Variants in TTC6 observed in about 807,000 individuals in gnomAD.
The protein encoded by TTC6 is tetratricopeptide repeat protein 6.
A neutral mutation model predicts 210.4 loss-of-function variants in TTC6; 172 were observed. That is an observed-to-expected ratio of 0.82 (90% CI 0.72 to 0.93). The LOEUF (loss-of-function observed/expected upper bound fraction) is 0.93, where lower values mean the gene tolerates loss of function less well. TTC6 is among the 40% of genes least tolerant of loss of function. The pLI, the probability that TTC6 is intolerant of heterozygous loss-of-function variation, is 0.00. For synonymous variants in TTC6, 804 were observed against 819.6 expected (o/e 0.98, Z 0.32); for missense variants, 2,414 against 2,318.1 (o/e 1.04, Z -0.85).
In TTC6 at chr14:37,733,985, T is replaced by C. The variant is rs570950887; in HGVS notation, c.1819-1936T>C. On this transcript the variant is annotated intron_variant, in intron 7 of 30. Transcript: ENST00000553443. ...TAGTATTTCTATTTTTCCCTAAATC[T>C]GTTATGTTATGGTGTTTTGTTTCTT... is the stretch of plus-strand genomic sequence containing the variant. 2.0e-5 allele frequency among the ~76,000 whole-genome samples: 3 copies of C among 152,286 alleles called. No homozygotes were observed. In the South Asian group the frequency reaches 6.2e-4, roughly 32 times the overall value.
chr14:37,826,499 A>T, intron 28 of TTC6, 152 bp downstream of exon 30: 2 of 726,720 alleles, frequency 2.8e-6, no homozygotes, highest in Non-Finnish European at 4.1e-6. Context: ...TCCCTAGGGT[A>T]AAGAGTTATG....
chr14:37,723,835 C>G (rs976133085), intron 6 of TTC6, among the ~76,000 whole-genome samples: 5 of 152,076 alleles, frequency 3.3e-5, no homozygotes, highest in Non-Finnish European at 7.4e-5. Context: ...CTCCTGACCT[C>G]CTAAATGATT....
At chr14:37,804,532 C>G in intron 20 of TTC6, 148 bp from the exon 23 acceptor site, 1 of 1,073,812 alleles carries the variant, frequency 9.3e-7, no homozygotes, top group Non-Finnish European at 1.3e-6. Context: ...CTGACAAGAC[C>G]TGTAACTTCA....
At chr14:37,834,347 G>A in intron 29 of TTC6, among the ~76,000 whole-genome samples, 1 of 151,980 alleles carries the variant, frequency 6.6e-6, no homozygotes, top group East Asian at 1.9e-4. Context: ...TCCTATATAT[G>A]ATGTAAGCTT....
intron 27 of TTC6, 106 bp downstream of exon 29, chr14:37,824,063 A>C: frequency 9.4e-7 from 1 of 1,065,294 alleles, no homozygotes. Flanking sequence ...GGTTATGAAC[A>C]TTTACCTTTT....
intron 1 of TTC6, among the ~76,000 whole-genome samples, chr14:37,638,721 A>T (rs1295410727): frequency 6.6e-6 from 1 of 152,168 alleles, no homozygotes; most frequent in African/African-American, 2.4e-5. Context: ...GTGATATTGT[A>T]TTATAGTTTT....
intron 7 of TTC6, among the ~76,000 whole-genome samples, chr14:37,730,250 T>C (rs190421840): frequency 6.6e-6 from 1 of 152,350 alleles, no homozygotes; most frequent in East Asian, 1.9e-4. Flanking sequence ...TCACCTGTTA[T>C]TCCTTCTCTT....
intron 10 of TTC6, among the ~76,000 whole-genome samples, chr14:37,747,523 GA>G (rs1238358247): frequency 6.6e-6 from 1 of 152,168 alleles, no homozygotes; most frequent in African/African-American, 2.4e-5. Flanking sequence ...TGGTTTTCTT[GA>G]AAGCAGTAGT....
At chr14:37,722,568 C>A (rs1566910256) in intron 6 of TTC6, among the ~76,000 whole-genome samples, 2 of 152,112 alleles carry the variant, frequency 1.3e-5, no homozygotes, top group Admixed American at 1.3e-4. Context: ...GTCTTGAACT[C>A]CTGGCCTCAA....
chr14:37,771,341 A>T (rs1270538348), intron 14 of TTC6, among the ~76,000 whole-genome samples: 1 of 151,546 alleles, frequency 6.6e-6, no homozygotes, highest in Non-Finnish European at 1.5e-5. Flanking sequence ...CTGAATCTGA[A>T]CGTTGGCCTA....
rs555206675 is a variant in TTC6 at position 37,622,573 on chromosome 14, C to A, written c.509C>A (p.Ser170Ter). 13 of 1,534,120 alleles carry A rather than the reference C, an allele frequency of 8.5e-6. No individual in the cohort carries two copies. In the South Asian group the frequency reaches 1.1e-4, roughly 13 times the overall value. The change falls in exon 1 of 31, where the codon TCG becomes TAG. Residue 170 changes from serine to a stop codon, truncating the protein, a stop_gained. Coordinates refer to ENST00000553443, the Ensembl canonical transcript of TTC6. LOFTEE classifies it high-confidence loss of function. ...AGAGCGCGCGGGGTCTTGGAGAGCT[C>A]GCGGCACGCGGCTCCCAGGCGGGTC...
At chr14:37,693,944 T>G (rs1394392445) in intron 3 of TTC6, among the ~76,000 whole-genome samples, 1 of 151,488 alleles carries the variant, frequency 6.6e-6, no homozygotes, top group Admixed American at 6.6e-5. Context: ...GATTAAATAA[T>G]TAAATCTAAG....
intron 14 of TTC6, among the ~76,000 whole-genome samples, chr14:37,773,303 C>T (rs1233518127): frequency 6.6e-6 from 1 of 152,162 alleles, no homozygotes; most frequent in Admixed American, 6.5e-5. Context: ...GTTTTTGTTG[C>T]AATTTGCTTC....
exon 1 of TTC6, chr14:37,622,697 G>C: frequency 6.5e-6 from 10 of 1,535,112 alleles, no homozygotes; most frequent in Non-Finnish European, 8.7e-6. Flanking sequence ...TCTCCGCAGA[G>C]GACGGCTACA....
chr14:37,823,041 T>G (rs946746808), intron 26 of TTC6, among the ~76,000 whole-genome samples: 2 of 152,156 alleles, frequency 1.3e-5, no homozygotes, highest in Admixed American at 6.5e-5. Flanking sequence ...CCATGTTAAT[T>G]GAAACTAAAT....
rs574799902 is a variant in TTC6 at position 37,805,254 on chromosome 14, C to A, written c.4164+440C>A. Among the ~76,000 whole-genome samples, 55 of 152,162 alleles carry A rather than the reference C, an allele frequency of 3.6e-4. No homozygotes were observed. In the South Asian group the frequency reaches 0.011, roughly 31 times the overall value. ...GATTGAAACTGGTTGTTAAGATGGC[C>A]AGATTTACTGAAAAACAGTTGATTC... On this transcript the variant is annotated intron_variant, in intron 21 of 30. Transcript: ENST00000553443.
At chr14:37,686,270 C>T (rs1286940918) in intron 3 of TTC6, among the ~76,000 whole-genome samples, 1 of 152,150 alleles carries the variant, frequency 6.6e-6, no homozygotes, top group African/African-American at 2.4e-5. Flanking sequence ...GTAAATGCTA[C>T]AATATAAAGC....
At chr14:37,787,435 C>T (rs2139307595) in intron 14 of TTC6, 33 bp from the exon 17 acceptor site, 1 of 1,413,306 alleles carries the variant, frequency 7.1e-7, no homozygotes, top group Non-Finnish European at 9.4e-7. Context: ...GTATACTTTA[C>T]AGTACTTGTT....
exon 1 of TTC6, chr14:37,622,491 T>G (rs1181024811): frequency 6.5e-7 from 1 of 1,534,834 alleles, no homozygotes; most frequent in African/African-American, 1.4e-5. Flanking sequence ...CGCCTCGGGG[T>G]TCGGCACGGC....
Sources: allele counts gnomAD v4.1 joint callset (sites outside exome capture counted in the v4.1 genomes callset), GRCh38; gene constraint gnomAD v4.1.1; transcripts MANE v1.5; gene names NCBI Gene and HGNC (gene_info 2026-07-23, HGNC 2026-07-21).